PABIR3: variants seen among roughly 807,000 people sequenced by gnomAD.
PABIR3 encodes the protein PABIR family member 3, also known as PABIR family member 1.
Under a neutral mutation model 23.1 loss-of-function variants are expected in PABIR3, and 20 were observed. The observed-to-expected ratio is 0.86, with a 90% CI of 0.61 to 1.26. PABIR3 has a LOEUF of 1.26. PABIR3 is among the 50% of genes most tolerant of loss of function. The probability of loss-of-function intolerance (pLI) is 0.00; values close to 1 mark genes in which losing one functional copy is unlikely to be tolerated. For synonymous variants in PABIR3, 69 were observed against 68.5 expected, an observed-to-expected ratio of 1.01 and a Z score of -0.04; for missense variants, 189 against 195.4, an observed-to-expected ratio of 0.97 and a Z score of 0.20.
At chrX:134,824,660 C>T (rs1312889509) in intron 3 of PABIR3, among the ~76,000 whole-genome samples, 3 of 110,402 alleles carry the variant, frequency 2.7e-5, no homozygotes, top group Non-Finnish European at 5.7e-5. Context: ...ATTAGCCGGG[C>T]GTGGTGGCGC....
At chrX:134,805,199 G>A (rs2080178636), upstream of PABIR3, among the ~76,000 whole-genome samples, 1 of 111,647 alleles carries the variant, frequency 9.0e-6, no homozygotes, top group Non-Finnish European at 1.9e-5. Context: ...TGCAACTTGA[G>A]TAAACCCCTC....
At chrX:134,821,690 G>A (rs1260554045) in intron 3 of PABIR3, 2 of 1,026,525 alleles carry the variant, frequency 1.9e-6, no homozygotes, top group Non-Finnish European at 1.3e-6. Flanking sequence ...CTAGTGTATG[G>A]CCCACAAAGT....
chrX:134,807,762 G>T, intron 2 of PABIR3, 54 bp downstream of exon 2: 1 of 1,066,326 alleles, frequency 9.4e-7, no homozygotes, highest in Non-Finnish European at 1.3e-6. Flanking sequence ...AGGTGTTCGG[G>T]AAAGTGATTT....
chrX:134,862,643 T>A, the PABIR3 span, among the ~76,000 whole-genome samples: 2 of 112,204 alleles, frequency 1.8e-5, no homozygotes, highest in African/African-American at 3.2e-5. Context: ...TGTCTATTAC[T>A]TGTGTAATCA....
intron 4 of PABIR3, chrX:134,838,698 A>T (rs1238187894): frequency 2.5e-5 from 1 of 39,947 alleles, no homozygotes; most frequent in South Asian, 3.3e-3. Flanking sequence ...CCCTCTCCCC[A>T]CGGTCTCCCT....
intron 1 of PABIR3, among the ~76,000 whole-genome samples, chrX:134,800,994 C>T (rs2148050850): frequency 8.9e-6 from 1 of 111,996 alleles, no homozygotes; most frequent in East Asian, 2.8e-4. Context: ...AAGTATTAAA[C>T]CACAAAGGAC....
chrX:134,832,145 G>A (rs1174733504), intron 4 of PABIR3, among the ~76,000 whole-genome samples: 2 of 109,222 alleles, frequency 1.8e-5, no homozygotes, highest in Non-Finnish European at 3.8e-5. Flanking sequence ...GTGCGTGGTG[G>A]GTGCCTGTAA....
At chrX:134,853,971 TTTGC>T in intron 10 of PABIR3, 116 bp from the exon 11 acceptor site, 1 of 746,449 alleles carries the variant, frequency 1.3e-6, no homozygotes, top group South Asian at 3.2e-5. Context: ...CTTAAAAAAC[TTTGC>T]TTGTGACAAG....
intron 3 of PABIR3, among the ~76,000 whole-genome samples, chrX:134,827,005 G>A (rs1011566051): frequency 2.7e-5 from 3 of 111,218 alleles, no homozygotes; most frequent in Non-Finnish European, 5.7e-5. Flanking sequence ...CTGTTCCCCA[G>A]GCTGGAGTGC....
intron 9 of PABIR3, among the ~76,000 whole-genome samples, chrX:134,850,215 G>T (rs765790289): frequency 9.1e-6 from 1 of 110,348 alleles, no homozygotes; most frequent in Non-Finnish European, 1.9e-5. Context: ...GGGTGAATAG[G>T]AAAGGAGATT....
chrX:134,804,155 TA>T, upstream of PABIR3: 1 of 1,082,842 alleles, frequency 9.2e-7, no homozygotes, highest in African/African-American at 1.8e-5. Flanking sequence ...AGGAGTAGCC[TA>T]ATTGTCAAGT....
chrX:134,796,447 G>A (rs1024699809), upstream of PABIR3: 17 of 361,634 alleles, frequency 4.7e-5, no homozygotes, highest in Middle Eastern at 7.4e-4. Flanking sequence ...AGGACGAAGA[G>A]GTAGTGGTGG....
rs1433805137 is a variant in PABIR3, at chrX:134,854,369, A to T, written c.*152A>T. 2 of 585,131 alleles carry T rather than the reference A, an allele frequency of 3.4e-6. No individual in the cohort carries two copies. The highest frequency in any genetic ancestry group is 4.0e-5 in the East Asian group (1 of 24,780). 48.2% of individuals were successfully genotyped at this position (585,131 alleles called of 1,213,427 possible). ...TTATCTTTTTTCCTCAATTTCCTAA[A>T]ATTCTATTTATCTACAGAACTTGCG... On this transcript the variant is annotated 3_prime_UTR_variant, in exon 11 of 11. Transcript: ENST00000645433.
In PABIR3 at chrX:134,821,088, G is replaced by GTATATATA. The variant is rs532535490; in HGVS notation, c.189+6249_189+6256dup. On this transcript the variant is annotated intron_variant, in intron 3 of 10. Coordinates refer to ENST00000645433, the MANE Select transcript of PABIR3 (RefSeq NM_001388447.1). Reference sequence around the variant, plus strand: ...TTTTATATTATATGTGTGTGTGTGTGTATATATATATATATATGGGTGTGT... The same window carrying GTATATATA: ...TTTTATATTATATGTGTGTGTGTGTGTATATATATATATATATATATATATGGGTGTGT... Among the ~76,000 whole-genome samples the GTATATATA allele has an allele frequency of 2.5e-3, 242 of 96,823 alleles. 1 individual carries two copies. Among genetic ancestry groups the GTATATATA allele is most frequent in the Middle Eastern group, 0.016 (3 of 187 alleles). 84.1% of individuals were successfully genotyped at this position (96,823 alleles called of 115,157 possible). A position where few individuals can be genotyped will look rare whatever the true frequency, so the allele number is the denominator to read the frequency against.
intron 3 of PABIR3, among the ~76,000 whole-genome samples, chrX:134,823,955 A>G (rs2081399868): frequency 1.8e-5 from 2 of 111,650 alleles, no homozygotes; most frequent in African/African-American, 3.3e-5. Flanking sequence ...GTAAATTTGT[A>G]TAAGTTTTCT....
chrX:134,826,520 A>G (rs1372388077), intron 3 of PABIR3, among the ~76,000 whole-genome samples: 2 of 111,232 alleles, frequency 1.8e-5, no homozygotes, highest in African/African-American at 6.5e-5. Flanking sequence ...GGTAATAACA[A>G]CAGCTTATTA....
At chrX:134,855,103 G>GTT (rs869101677), downstream of PABIR3, among the ~76,000 whole-genome samples, 1 of 103,822 alleles carries the variant, frequency 9.6e-6, no homozygotes. Flanking sequence ...AATCTTAAGG[G>GTT]TTTTTTTTTT....
At chrX:134,809,456 C>T (rs191209769) in intron 2 of PABIR3, 6 of 748,494 alleles carry the variant, frequency 8.0e-6, no homozygotes, top group African/African-American at 2.3e-5. Context: ...TGAGCCACTG[C>T]GCCTGGCCTA....
rs747147948 is a variant in PABIR3 at position 134,838,212 on chromosome X, C to G, written c.247-6993C>G. ...GACAATATCCTCTTTGTTGTCACTGCTGCTTCCTTCTTCTGTCCCATGGGT... is the reference window on the plus strand; with the variant it reads ...GACAATATCCTCTTTGTTGTCACTGGTGCTTCCTTCTTCTGTCCCATGGGT... On this transcript the variant is annotated intron_variant, in intron 4 of 10. Transcript: ENST00000645433. 8.9e-5 allele frequency among the ~76,000 whole-genome samples: 10 copies of G among 112,260 alleles called. 1 individual carries two copies. The South Asian group carries it at 3.7e-3, about 41-fold the overall frequency.
Sources: gnomAD v4.1 joint callset for allele counts (sites outside exome capture counted in the v4.1 genomes callset) on GRCh38, gnomAD v4.1.1 for gene constraint, MANE v1.5 for transcripts, NCBI Gene and HGNC (gene_info 2026-07-23, HGNC 2026-07-21) for gene names.